The following RPS6KC1 variants were observed in gnomAD, a reference collection of about 807,000 sequenced individuals.
RPS6KC1 encodes the protein ribosomal protein S6 kinase C1, also known as inactive ribosomal protein S6 kinase delta-1.
RPS6KC1 carries 54 observed loss-of-function variants against 103.8 expected under a neutral mutation model. The observed-to-expected ratio is 0.52, with a 90% confidence interval of 0.42 to 0.65. RPS6KC1 has a LOEUF of 0.65. Among genes scored for constraint, RPS6KC1 ranks in the 30% least tolerant of loss-of-function variants. The pLI is 0.00. For synonymous variants in RPS6KC1, 439 were observed against 438.7 expected, an observed-to-expected ratio of 1.00 and a Z score of -0.01; for missense variants, 1,151 against 1,253.8, an observed-to-expected ratio of 0.92 and a Z score of 1.24.
chr1:213,495,385 A>C, the RPS6KC1 span, among the ~76,000 whole-genome samples: 1 of 151,932 alleles, frequency 6.6e-6, no homozygotes, highest in Admixed American at 6.6e-5. Flanking sequence ...GCAGTGGCAC[A>C]ATCTCAGCTT....
the RPS6KC1 span, among the ~76,000 whole-genome samples, chr1:213,581,572 C>T: frequency 6.6e-6 from 1 of 152,046 alleles, no homozygotes; most frequent in African/African-American, 2.4e-5. Context: ...GGCTCCAGGT[C>T]TTCTCCCTGC....
the RPS6KC1 span, among the ~76,000 whole-genome samples, chr1:213,311,170 G>C: frequency 6.8e-6 from 1 of 148,066 alleles, no homozygotes; most frequent in Non-Finnish European, 1.5e-5. Context: ...ACGGAGTCTC[G>C]CTCTGTTGCC....
At chr1:213,714,100 C>T in the RPS6KC1 span, among the ~76,000 whole-genome samples, 3 of 152,214 alleles carry the variant, frequency 2.0e-5, no homozygotes. Context: ...TTTAGACCTA[C>T]CTCTCAATTC....
chr1:213,770,523 T>C, the RPS6KC1 span, among the ~76,000 whole-genome samples: 3 of 152,224 alleles, frequency 2.0e-5, no homozygotes, highest in Non-Finnish European at 4.4e-5. Flanking sequence ...GACCCACACC[T>C]GTTGAGTACT....
At chr1:213,491,848 G>A in the RPS6KC1 span, among the ~76,000 whole-genome samples, 1 of 152,186 alleles carries the variant, frequency 6.6e-6, no homozygotes, top group African/African-American at 2.4e-5. Flanking sequence ...GGCTGAACAG[G>A]GGATTGAGTC....
chr1:213,510,951 A>C, the RPS6KC1 span, among the ~76,000 whole-genome samples: 3 of 152,184 alleles, frequency 2.0e-5, no homozygotes, highest in Non-Finnish European at 2.9e-5. Context: ...ACTGTGTGCA[A>C]AGATGGGTGC....
the RPS6KC1 span, among the ~76,000 whole-genome samples, chr1:213,521,364 A>T: frequency 6.6e-6 from 1 of 152,274 alleles, no homozygotes; most frequent in Non-Finnish European, 1.5e-5. Flanking sequence ...AAAATTGCTA[A>T]TGGTAATCTA....
At chr1:213,409,837 C>T in the RPS6KC1 span, among the ~76,000 whole-genome samples, 1 of 152,120 alleles carries the variant, frequency 6.6e-6, no homozygotes, top group Non-Finnish European at 1.5e-5. Flanking sequence ...CAGGGAAAGA[C>T]AGACAGGTGA....
At chr1:213,195,643 A>G (rs1475521620) in intron 8 of RPS6KC1, among the ~76,000 whole-genome samples, 1 of 152,068 alleles carries the variant, frequency 6.6e-6, no homozygotes, top group Non-Finnish European at 1.5e-5. Flanking sequence ...CTCAGAGGTC[A>G]TTATATCATA....
At chr1:213,787,669 G>C in the RPS6KC1 span, among the ~76,000 whole-genome samples, 4 of 152,078 alleles carry the variant, frequency 2.6e-5, no homozygotes, top group African/African-American at 4.8e-5. Flanking sequence ...GGATTTATTG[G>C]GGGGAGGGAA....
chr1:213,289,988 G>A, the RPS6KC1 span, among the ~76,000 whole-genome samples: 2 of 151,854 alleles, frequency 1.3e-5, no homozygotes, highest in South Asian at 4.2e-4. Flanking sequence ...GCAGTGAGCC[G>A]AGATCGCACC....
the RPS6KC1 span, among the ~76,000 whole-genome samples, chr1:213,318,870 A>G: frequency 1.3e-5 from 2 of 152,214 alleles, no homozygotes; most frequent in South Asian, 2.1e-4. Flanking sequence ...CAGCCAAACC[A>G]TGTCAGTGTC....
chr1:213,388,944 G>A, the RPS6KC1 span, among the ~76,000 whole-genome samples: 2 of 152,234 alleles, frequency 1.3e-5, no homozygotes, highest in African/African-American at 4.8e-5. Context: ...GGATGAAGGG[G>A]AAGGGGACTG....
intron 8 of RPS6KC1, among the ~76,000 whole-genome samples, chr1:213,188,782 TC>T (rs2092637226): frequency 1.3e-5 from 2 of 151,994 alleles, no homozygotes; most frequent in Admixed American, 1.3e-4. Context: ...GTAAATTCTT[TC>T]CAAATTGATA....
At chr1:213,141,899 C>T (rs1041489427) in intron 6 of RPS6KC1, among the ~76,000 whole-genome samples, 8 of 151,246 alleles carry the variant, frequency 5.3e-5, no homozygotes, top group African/African-American at 1.2e-4. Context: ...TTTAGTCAAA[C>T]GTTGAGTTTT....
the RPS6KC1 span, among the ~76,000 whole-genome samples, chr1:213,789,226 T>C: frequency 1.3e-5 from 2 of 152,188 alleles, no homozygotes; most frequent in Non-Finnish European, 2.9e-5. Flanking sequence ...TATGTCTTTC[T>C]TCTCTTCTAG....
the RPS6KC1 span, among the ~76,000 whole-genome samples, chr1:213,614,868 C>G: frequency 6.6e-6 from 1 of 152,066 alleles, no homozygotes; most frequent in Non-Finnish European, 1.5e-5. Context: ...TTATTTTTTA[C>G]TTATTTATTT....
the RPS6KC1 span, among the ~76,000 whole-genome samples, chr1:213,627,933 C>G: frequency 6.6e-6 from 1 of 152,090 alleles, no homozygotes; most frequent in Non-Finnish European, 1.5e-5. Flanking sequence ...TAATGTTGGC[C>G]TCATAAAATG....
chr1:213,482,081 C>A, the RPS6KC1 span, among the ~76,000 whole-genome samples: 1 of 152,158 alleles, frequency 6.6e-6, no homozygotes, highest in African/African-American at 2.4e-5. Flanking sequence ...CTGAATCCTC[C>A]CCAGAAGCGA....
Sources: gnomAD v4.1 joint callset for allele counts (sites outside exome capture counted in the v4.1 genomes callset) on GRCh38, gnomAD v4.1.1 for gene constraint, MANE v1.5 for transcripts, NCBI Gene and HGNC (gene_info 2026-07-23, HGNC 2026-07-21) for gene names.